Variants in FAT3 observed in about 807,000 individuals in gnomAD.
The protein encoded by FAT3 is FAT atypical cadherin 3.
A neutral mutation model predicts 310.2 loss-of-function variants in FAT3; 95 were observed. The ratio of observed to expected loss-of-function variants is 0.31; its 90% CI spans 0.26 to 0.36. The LOEUF is 0.36. FAT3 is among the 10% of genes least tolerant of loss of function. The pLI is 1.00. For synonymous variants in FAT3, 2,314 were observed against 2,192.9 expected (o/e 1.06, Z -1.54); for missense variants, 5,408 against 5,715.6 (o/e 0.95, Z 1.74).
chr11:92,450,483 TGAA>T (rs1209639500), intron 2 of FAT3, among the ~76,000 whole-genome samples: 1 of 152,126 alleles, frequency 6.6e-6, no homozygotes, highest in African/African-American at 2.4e-5. Context: ...AGAGAGGGAT[TGAA>T]GGAGACATAA....
chr11:92,508,165 C>T (rs1953177427), intron 2 of FAT3, among the ~76,000 whole-genome samples: 1 of 152,066 alleles, frequency 6.6e-6, no homozygotes, highest in Non-Finnish European at 1.5e-5. Context: ...TGTTTCACTT[C>T]CATTACCTAG....
intron 1 of FAT3, among the ~76,000 whole-genome samples, chr11:92,242,292 G>A (rs2134255197): frequency 6.6e-6 from 1 of 152,104 alleles, no homozygotes; most frequent in East Asian, 1.9e-4. Flanking sequence ...TGATGGTAAG[G>A]GACTCAGACA....
chr11:92,451,792 G>T lies in FAT3; in HGVS notation c.3293-72842G>T, dbSNP rs1009270125. 1.5e-4 allele frequency among the ~76,000 whole-genome samples: 23 copies of T among 152,144 alleles called. 1 individual carries two copies. The highest frequency in any genetic ancestry group is 5.9e-5 in the Non-Finnish European group (4 of 68,020). On this transcript the variant is annotated intron_variant, in intron 2 of 27. Transcript: ENST00000525166. ...TAGTGAAGAAGAAAGTTAATTGTAG[G>T]CTACATTAACTTTGTTGCAGTAAAA...
At chr11:92,606,574 G>A (rs183839498) in intron 3 of FAT3, among the ~76,000 whole-genome samples, 16 of 152,240 alleles carry the variant, frequency 1.1e-4, no homozygotes, top group African/African-American at 3.9e-4. Context: ...AATGATAAAA[G>A]CACTCTCATT....
At chr11:92,308,763 A>C (rs1947207210) in intron 1 of FAT3, among the ~76,000 whole-genome samples, 1 of 152,182 alleles carries the variant, frequency 6.6e-6, no homozygotes, top group Non-Finnish European at 1.5e-5. Context: ...TGTTCAGCCA[A>C]GTCATGCCCT....
chr11:92,317,201 C>T (rs1298075925), intron 1 of FAT3, among the ~76,000 whole-genome samples: 1 of 152,114 alleles, frequency 6.6e-6, no homozygotes, highest in African/African-American at 2.4e-5. Flanking sequence ...CTCTTCTCTC[C>T]CTGCAAACAT....
At chr11:92,534,272 G>A (rs1222808715) in intron 3 of FAT3, among the ~76,000 whole-genome samples, 1 of 152,056 alleles carries the variant, frequency 6.6e-6, no homozygotes, top group Non-Finnish European at 1.5e-5. Context: ...AATAACCACA[G>A]TCCTGGGGGG....
intron 1 of FAT3, among the ~76,000 whole-genome samples, chr11:92,338,391 A>C (rs1948148001): frequency 6.6e-6 from 1 of 152,106 alleles, no homozygotes; most frequent in Non-Finnish European, 1.5e-5. Context: ...GAAGCTGTTG[A>C]TATTAAGGAG....
chr11:92,403,576 C>T (rs1178508040), intron 2 of FAT3, among the ~76,000 whole-genome samples: 1 of 152,086 alleles, frequency 6.6e-6, no homozygotes, highest in Non-Finnish European at 1.5e-5. Flanking sequence ...TTGAGGTAGG[C>T]CTTAAAATTT....
intron 1 of FAT3, among the ~76,000 whole-genome samples, chr11:92,242,139 A>C (rs1418728263): frequency 6.6e-6 from 1 of 152,084 alleles, no homozygotes; most frequent in African/African-American, 2.4e-5. Context: ...TAACATTGAG[A>C]ACTCTAGGAT....
chr11:92,301,668 CATT>C (rs1947001466), intron 1 of FAT3, among the ~76,000 whole-genome samples: 2 of 152,050 alleles, frequency 1.3e-5, no homozygotes, highest in African/African-American at 4.8e-5. Context: ...CAGCCAGTTA[CATT>C]ATTATTATTG....
rs1049739144 is a variant in FAT3 at position 92,891,258 on chromosome 11, G to C, written c.*145G>C. On this transcript the variant is annotated 3_prime_UTR_variant, in exon 28 of 28. Coordinates refer to ENST00000525166, the MANE Select transcript of FAT3 (RefSeq NM_001367949.2). ...TAGAAACTTCTTCACAAGTCATACT[G>C]TCCCAACAAGCAAGCTTGATTCCAG... is the stretch of plus-strand genomic sequence containing the variant. 27 of 1,110,618 alleles carry C rather than the reference G, an allele frequency of 2.4e-5. No individual in the cohort carries two copies. The highest frequency in any genetic ancestry group is 3.4e-5 in the Non-Finnish European group (27 of 796,916). 68.8% of individuals were successfully genotyped at this position (1,110,618 alleles called of 1,614,324 possible).
chr11:92,612,498 A>G (rs1219383553), intron 3 of FAT3, among the ~76,000 whole-genome samples: 1 of 152,212 alleles, frequency 6.6e-6, no homozygotes, highest in Middle Eastern at 3.2e-3. Flanking sequence ...CTTTATCTGA[A>G]TAAAGCCAGG....
At chr11:92,749,677 C>G (rs1440500356) in intron 4 of FAT3, among the ~76,000 whole-genome samples, 1 of 152,196 alleles carries the variant, frequency 6.6e-6, no homozygotes, top group Non-Finnish European at 1.5e-5. Flanking sequence ...TCGTACATTT[C>G]TCTACCTATG....
At chr11:92,885,343 C>T (rs72964597) in intron 24 of FAT3, among the ~76,000 whole-genome samples, 302 of 152,258 alleles carry the variant, frequency 2.0e-3, no homozygotes, top group African/African-American at 5.5e-3. Context: ...GGGTGAAATA[C>T]GCACCTGAAG....
chr11:92,702,651 G>A (rs1378714291), intron 4 of FAT3, among the ~76,000 whole-genome samples: 2 of 152,140 alleles, frequency 1.3e-5, no homozygotes, highest in Admixed American at 1.3e-4. Context: ...CCAGCAGTTT[G>A]AAAAGCTTAT....
At chr11:92,787,261 C>T (rs930749465) in intron 7 of FAT3, among the ~76,000 whole-genome samples, 4 of 151,608 alleles carry the variant, frequency 2.6e-5, no homozygotes, top group Non-Finnish European at 5.9e-5. Context: ...GATGAGTAAA[C>T]CATACATATT....
chr11:92,666,937 C>T lies in FAT3; in HGVS notation c.3608-30447C>T, dbSNP rs1262963090. Among the ~76,000 whole-genome samples the T allele has an allele frequency of 2.6e-5, 4 of 152,124 alleles. 1 individual carries two copies. Among genetic ancestry groups the T allele is most frequent in the Non-Finnish European group, 5.9e-5 (4 of 68,036 alleles). ...ACATGGTTGTGCCTATGCTGCAAGG[C>T]ATAATCATGTGAGTAACCCCAGCCA... On this transcript the variant is annotated intron_variant, in intron 3 of 27. Transcript: ENST00000525166.
At chr11:92,547,684 C>T (rs546730712) in intron 3 of FAT3, among the ~76,000 whole-genome samples, 4 of 152,212 alleles carry the variant, frequency 2.6e-5, no homozygotes, top group African/African-American at 9.6e-5. Context: ...GACCCCAGGC[C>T]CACACTCTGC....
Sources: gnomAD v4.1 joint callset for allele counts (sites outside exome capture counted in the v4.1 genomes callset) on GRCh38, gnomAD v4.1.1 for gene constraint, MANE v1.5 for transcripts, NCBI Gene and HGNC (gene_info 2026-07-23, HGNC 2026-07-21) for gene names.